DPM1: variants seen among roughly 807,000 people sequenced by gnomAD.
DPM1 encodes dolichol-phosphate mannosyltransferase subunit 1.
In DPM1, 27 loss-of-function variants were observed where a neutral mutation model predicts 39.0. The observed-to-expected ratio is 0.69, with a 90% CI of 0.51 to 0.95. The LOEUF is 0.95. Ranked by LOEUF, DPM1 falls within the 40% of genes least tolerant of loss-of-function variation. DPM1 has a pLI of 0.00. For missense variants in DPM1, 307 were observed against 315.6 expected (o/e 0.97, Z 0.21); for synonymous variants, 124 against 109.0 (o/e 1.14, Z -0.86).
intron 3 of DPM1, among the ~76,000 whole-genome samples, chr20:50,947,485 T>C (rs1361117085): frequency 2.0e-5 from 3 of 152,216 alleles, no homozygotes; most frequent in Non-Finnish European, 4.4e-5. Context: ...GCTTGGGAAT[T>C]GATGGTCTTC....
At chr20:50,951,788 C>CA (rs756735202) in intron 2 of DPM1, among the ~76,000 whole-genome samples, 227 of 145,852 alleles carry the variant, frequency 1.6e-3, no homozygotes, top group African/African-American at 4.6e-3. Context: ...ACTCCAATCT[C>CA]AAAAAAAAAA....
At chr20:50,947,025 A>G (rs772758477) in intron 3 of DPM1, among the ~76,000 whole-genome samples, 21 of 152,204 alleles carry the variant, frequency 1.4e-4, no homozygotes, top group African/African-American at 2.2e-4. Context: ...CCTGACCAAC[A>G]TGGAGAAACC....
intron 7 of DPM1, 51 bp downstream of exon 7, chr20:50,940,814 A>T: frequency 7.2e-7 from 1 of 1,394,044 alleles, no homozygotes; most frequent in African/African-American, 1.4e-5. Flanking sequence ...ATCCATTGTA[A>T]AGAAAGTTAG....
intron 3 of DPM1, 57 bp from the exon 4 acceptor site, chr20:50,945,980 T>C: frequency 6.9e-7 from 1 of 1,447,762 alleles, no homozygotes; most frequent in East Asian, 2.3e-5. Flanking sequence ...ACATATACAT[T>C]TGAACATCAA....
At chr20:50,942,440 T>C (rs897556697) in intron 5 of DPM1, among the ~76,000 whole-genome samples, 31 of 151,828 alleles carry the variant, frequency 2.0e-4, no homozygotes, top group Admixed American at 1.8e-3. Flanking sequence ...AGGAGGCAGG[T>C]TGCAGTGAGC....
intron 5 of DPM1, chr20:50,944,670 A>G: frequency 6.6e-6 from 1 of 152,260 alleles, no homozygotes; most frequent in Non-Finnish European, 1.5e-5. Flanking sequence ...TGGAGGGACA[A>G]TAATCTGATT....
chr20:50,936,280 T>C lies in DPM1; in HGVS notation c.564-18A>G. The C allele has an allele frequency of 6.7e-7, 1 of 1,493,970 alleles. No individual in the cohort carries two copies. Among genetic ancestry groups the C allele is most frequent in the South Asian group, 1.1e-5 (1 of 87,988 alleles). 92.5% of individuals were successfully genotyped at this position (1,493,970 alleles called of 1,614,324 possible). ...GGTATAATCTGTAAGAAATTAAAAA[T>C]ATATATCAACTTCTGGATAAATACA... On this transcript the variant is annotated intron_variant, in intron 7 of 8. Coordinates refer to ENST00000371588, the MANE Select transcript of DPM1 (RefSeq NM_003859.3).
At chr20:50,937,425 A>G (rs1425416291) in intron 7 of DPM1, among the ~76,000 whole-genome samples, 1 of 152,066 alleles carries the variant, frequency 6.6e-6, no homozygotes, top group Non-Finnish European at 1.5e-5. Flanking sequence ...AATAATAAAT[A>G]TTTATTGACC....
intron 7 of DPM1, among the ~76,000 whole-genome samples, chr20:50,939,353 G>C (rs1021215389): frequency 1.3e-5 from 2 of 152,154 alleles, no homozygotes; most frequent in African/African-American, 4.8e-5. Flanking sequence ...ATGGCAATCA[G>C]AGATCTTTTT....
At chr20:50,948,430 T>A (rs928105144) in intron 3 of DPM1, among the ~76,000 whole-genome samples, 199 bp downstream of exon 3, 3 of 152,224 alleles carry the variant, frequency 2.0e-5, no homozygotes, top group Non-Finnish European at 4.4e-5. Context: ...CTGAAAGACT[T>A]ACAGTGGTTC....
Position 50,941,906 on chromosome 20 carries a change from G to A in DPM1, c.494+125C>T. 4 of 805,876 alleles carry A rather than the reference G, an allele frequency of 5.0e-6. No homozygotes were observed. In the East Asian group the frequency reaches 1.0e-4, roughly 21 times the overall value. The allele number at this position is 805,876 out of a possible 1,614,324, so 49.9% of individuals were successfully genotyped here. A position where few individuals can be genotyped will look rare whatever the true frequency, so the allele number is the denominator to read the frequency against. ...AAAAACTGTAAGAAACTATCTGGGA[G>A]TATTTACTGGAAGTTATAACCTGAT... On this transcript the variant is annotated intron_variant, in intron 6 of 8. Transcript: ENST00000371588.
chr20:50,941,329 CAT>C (rs1178156827), intron 6 of DPM1: 1 of 124,374 alleles, frequency 8.0e-6, no homozygotes, highest in East Asian at 1.8e-4. Context: ...ATTATATATT[CAT>C]ATATATTCGT....
rs1415021071 is a variant in DPM1, at chr20:50,936,688, C to A, written c.564-426G>T. ...ATATATGTTAGATGACAAGAAAGAACCTCATAATTCACAGTCATTTTCCAA... is the reference window on the plus strand; with the variant it reads ...ATATATGTTAGATGACAAGAAAGAAACTCATAATTCACAGTCATTTTCCAA... On this transcript the variant is annotated intron_variant, in intron 7 of 8. Transcript: ENST00000371588. Among the ~76,000 whole-genome samples, 3 of 152,256 alleles carry A rather than the reference C, an allele frequency of 2.0e-5. No individual in the cohort carries two copies. The East Asian group carries it at 5.8e-4, about 29-fold the overall frequency.
chr20:50,950,697 T>C (rs1029919533), intron 2 of DPM1, among the ~76,000 whole-genome samples: 5 of 151,964 alleles, frequency 3.3e-5, no homozygotes, highest in African/African-American at 1.2e-4. Context: ...TGGTGAGACC[T>C]CATCTCTACT....
At chr20:50,951,439 C>T (rs931934841) in intron 2 of DPM1, among the ~76,000 whole-genome samples, 2 of 152,174 alleles carry the variant, frequency 1.3e-5, no homozygotes, top group Non-Finnish European at 2.9e-5. Context: ...CACAAAAAAA[C>T]GCACCAAACT....
chr20:50,943,369 G>GT (rs1347688107), intron 5 of DPM1, among the ~76,000 whole-genome samples: 31 of 150,552 alleles, frequency 2.1e-4, no homozygotes, highest in South Asian at 8.4e-4. Context: ...GTTTTGTTTT[G>GT]TTTTTTTTTG....
At chr20:50,957,076 AGTT>A (rs774796428) in intron 1 of DPM1, among the ~76,000 whole-genome samples, 98 of 152,354 alleles carry the variant, frequency 6.4e-4, no homozygotes, top group Non-Finnish European at 1.2e-3. Flanking sequence ...GTTGTATGAT[AGTT>A]ACTTTCTTTA....
Position 50,935,200 on chromosome 20 carries a change from A to G in DPM1, c.715T>C (p.Ser239Pro). Reference protein sequence around the residue: ...ISFVDRVYGESKLGGNEIVSF... With the variant: ...ISFVDRVYGEPKLGGNEIVSF... Reference sequence around the variant, plus strand: ...ACTATTTCATTTCCTCCCAACTTGGATTCACCATAAACACGATCCACAAAT... The same window carrying G: ...ACTATTTCATTTCCTCCCAACTTGGGTTCACCATAAACACGATCCACAAAT... Residue 239 changes from serine to proline, a missense_variant, in exon 9 of 9, where the codon TCC becomes CCC. Transcript: ENST00000371588. The G allele has an allele frequency of 1.2e-6, 2 of 1,610,262 alleles. No individual in the cohort carries two copies. The highest frequency in any genetic ancestry group is 1.7e-6 in the Non-Finnish European group (2 of 1,177,142).
chr20:50,942,291 A>AGGC (rs1220768534), intron 5 of DPM1, among the ~76,000 whole-genome samples, 165 bp from the exon 6 acceptor site: 1 of 152,016 alleles, frequency 6.6e-6, no homozygotes, highest in African/African-American at 2.4e-5. Context: ...GTGGATCACG[A>AGGC]GGCCAGGAGT....
Sources: allele counts gnomAD v4.1 joint callset (sites outside exome capture counted in the v4.1 genomes callset), GRCh38; gene constraint gnomAD v4.1.1; transcripts MANE v1.5; gene names NCBI Gene and HGNC (gene_info 2026-07-23, HGNC 2026-07-21).